Variants in SEC11C observed in about 807,000 individuals in gnomAD.
SEC11C encodes the protein signal peptidase complex catalytic subunit SEC11C.
A neutral mutation model predicts 21.9 loss-of-function variants in SEC11C; 10 were observed. The ratio of observed to expected loss-of-function variants is 0.46; its 90% CI spans 0.28 to 0.77. The LOEUF (loss-of-function observed/expected upper bound fraction) is 0.77, where lower values mean the gene tolerates loss of function less well. SEC11C is among the 30% of genes least tolerant of loss of function. SEC11C has a pLI of 0.12. For synonymous variants in SEC11C, 83 were observed against 85.6 expected (o/e 0.97, Z 0.17); for missense variants, 145 against 244.5 (o/e 0.59, Z 2.71).
intron 4 of SEC11C, chr18:59,157,365 A>G (rs1320503251): frequency 5.2e-6 from 2 of 381,794 alleles, no homozygotes; most frequent in Non-Finnish European, 9.3e-6. Context: ...TAGCAAGTGA[A>G]GACAACCAGC....
At chr18:59,153,125 A>G (rs1032096252) in intron 3 of SEC11C, 2 of 152,856 alleles carry the variant, frequency 1.3e-5, no homozygotes, top group African/African-American at 4.8e-5. Flanking sequence ...TTAGTCCTGG[A>G]TGGATAAAAA....
Position 59,140,011 on chromosome 18 carries a change from C to T in SEC11C, c.63C>T (p.Asp21=), listed in dbSNP as rs1255608758. 3 of 1,589,882 alleles carry T rather than the reference C, an allele frequency of 1.9e-6. No homozygotes were observed. The highest frequency in any genetic ancestry group is 4.6e-5 in the East Asian group (2 of 43,680). Residue 21 remains aspartate, a synonymous_variant, in exon 1 of 6, where the codon GAC becomes GAT. Coordinates refer to ENST00000587834, the MANE Select transcript of SEC11C (RefSeq NM_033280.4). The stretch of plus-strand genomic sequence containing the variant: ...CGTCCGGCTTGGATATCTTCGGGGA[C>T]CTGAAGAAGATGAACAAGCGCCAGG... The part of the protein sequence containing the change: ...LPASGLDIFG[D]LKKMNKRQLY...
chr18:59,150,874 A>G (rs972834646), intron 2 of SEC11C, among the ~76,000 whole-genome samples: 2 of 152,332 alleles, frequency 1.3e-5, no homozygotes, highest in Middle Eastern at 3.4e-3. Flanking sequence ...GGCAGAGCCA[A>G]CATTAGATCT....
intron 1 of SEC11C, among the ~76,000 whole-genome samples, chr18:59,148,913 C>T (rs974091723): frequency 1.3e-5 from 2 of 151,790 alleles, no homozygotes; most frequent in Admixed American, 1.3e-4. Context: ...CTGTGCCCAG[C>T]CCCACCTGTG....
chr18:59,141,790 G>A (rs1265625557), intron 1 of SEC11C, among the ~76,000 whole-genome samples: 2 of 152,076 alleles, frequency 1.3e-5, no homozygotes, highest in Non-Finnish European at 2.9e-5. Flanking sequence ...ATTAAAGCAG[G>A]ACCCACATGC....
At position 59,149,631 on chromosome 18, in the gene SEC11C, C is replaced by T; in HGVS notation, c.197+9C>T. The T allele has an allele frequency of 6.3e-7, 1 of 1,580,800 alleles. No homozygotes were observed. Among genetic ancestry groups the T allele is most frequent in the Non-Finnish European group, 8.7e-7 (1 of 1,151,080 alleles). The stretch of plus-strand genomic sequence containing the variant: ...ATCGTGGTGGTGCTGAGGTAGGTCC[C>T]CCAGGCTGGCCTCCAGCCTCCAACC... On this transcript the variant is annotated intron_variant, in intron 2 of 5. Coordinates refer to ENST00000587834, the MANE Select transcript of SEC11C (RefSeq NM_033280.4).
rs943231374 is a variant in SEC11C, at chr18:59,139,997, G to C, written c.49G>C (p.Asp17His). The stretch of plus-strand genomic sequence containing the variant: ...GGCTCATCTCCCCGCGTCCGGCTTG[G>C]ATATCTTCGGGGACCTGAAGAAGAT... ...VGAHLPASGL[D>H]IFGDLKKMNK... is the part of the protein sequence containing the mutation. The change falls in exon 1 of 6, where the codon GAT becomes CAT. Residue 17 changes from aspartate to histidine, a missense_variant. Coordinates refer to ENST00000587834, the MANE Select transcript of SEC11C (RefSeq NM_033280.4). 6.3e-7 allele frequency: 1 copy of C among 1,595,552 alleles called. No individual in the cohort carries two copies. Among genetic ancestry groups the C allele is most frequent in the Non-Finnish European group, 8.6e-7 (1 of 1,169,252 alleles).
In SEC11C at chr18:59,145,659, A is replaced by G. The variant is rs191668423; in HGVS notation, c.88-3854A>G. ...ATCCTCAGAGTAGTGGGATGCAATC[A>G]AAGGGCTTTAGGCAGGGCATAGACA... On this transcript the variant is annotated intron_variant, in intron 1 of 5. Coordinates refer to ENST00000587834, the MANE Select transcript of SEC11C (RefSeq NM_033280.4). 4.0e-4 allele frequency among the ~76,000 whole-genome samples: 61 copies of G among 152,338 alleles called. No homozygotes were observed. In the East Asian group the frequency reaches 8.1e-3, roughly 20 times the overall value.
intron 3 of SEC11C, among the ~76,000 whole-genome samples, chr18:59,154,346 T>C (rs963081464): frequency 7.2e-5 from 11 of 152,240 alleles, no homozygotes; most frequent in Admixed American, 1.3e-4. Context: ...GCTTGCTCTT[T>C]TTGATATGGT....
chr18:59,152,605 C>A lies in SEC11C; in HGVS notation c.267C>A (p.Ile89=). ...TCACAAATTTCCGGGAAGACCCAAT[C>A]AGAGCTGGTGAAATAGTTGTTTTTA... ...LFLTNFREDP[I]RAGEIVVFKV... Residue 89 remains isoleucine, a synonymous_variant, in exon 3 of 6, where the codon ATC becomes ATA. Coordinates refer to ENST00000587834, the MANE Select transcript of SEC11C (RefSeq NM_033280.4). 5 of 1,613,748 alleles carry A rather than the reference C, an allele frequency of 3.1e-6. No homozygotes were observed. Among genetic ancestry groups the A allele is most frequent in the Non-Finnish European group, 4.2e-6 (5 of 1,179,922 alleles).
chr18:59,158,029 TAC>T (rs1378767755), intron 5 of SEC11C, among the ~76,000 whole-genome samples: 5 of 152,120 alleles, frequency 3.3e-5, no homozygotes, highest in South Asian at 2.1e-4. Context: ...TGTATATATA[TAC>T]ACACACATAT....
intron 2 of SEC11C, 106 bp from the exon 3 acceptor site, chr18:59,152,430 A>C (rs1434921064): frequency 4.0e-6 from 5 of 1,254,594 alleles, no homozygotes; most frequent in Non-Finnish European, 5.4e-6. Flanking sequence ...CTCGTTTTAT[A>C]GCTCCTGAGA....
chr18:59,140,233 A>G (rs184109632), intron 1 of SEC11C, among the ~76,000 whole-genome samples, 198 bp downstream of exon 1: 1 of 152,366 alleles, frequency 6.6e-6, no homozygotes, highest in Admixed American at 6.5e-5. Flanking sequence ...TGACAAGAGC[A>G]CAATTAGGGG....
intron 2 of SEC11C, 110 bp downstream of exon 2, chr18:59,149,732 G>T: frequency 3.6e-6 from 2 of 556,620 alleles, no homozygotes; most frequent in East Asian, 2.7e-5. Flanking sequence ...TAAAATTCAA[G>T]ATTTTAATTG....
At position 59,152,518 on chromosome 18, in the gene SEC11C, C is replaced by T; in HGVS notation, c.198-18C>T. ...GGACACAGGGTAATGCTGATACTGA[C>T]TTTGTGCTTCTTTCCAGTGGCAGTA... is the stretch of plus-strand genomic sequence containing the variant. On this transcript the variant is annotated intron_variant, in intron 2 of 5. Coordinates refer to ENST00000587834, the MANE Select transcript of SEC11C (RefSeq NM_033280.4). The T allele has an allele frequency of 1.9e-6, 3 of 1,589,140 alleles. No individual in the cohort carries two copies. The South Asian group carries it at 3.5e-5, about 18-fold the overall frequency.
chr18:59,148,581 C>G (rs186424191), intron 1 of SEC11C, among the ~76,000 whole-genome samples: 53 of 151,582 alleles, frequency 3.5e-4, no homozygotes, highest in Non-Finnish European at 5.9e-4. Flanking sequence ...GTAACTAGTG[C>G]TTATGCATCA....
chr18:59,158,727 T>C lies in SEC11C; in HGVS notation c.*42T>C, dbSNP rs769121992. The C allele has an allele frequency of 4.6e-6, 7 of 1,520,168 alleles. No homozygotes were observed. In the Admixed American group the frequency reaches 1.2e-4, roughly 25 times the overall value. The allele number at this position is 1,520,168 out of a possible 1,614,324, so 94.2% of individuals were successfully genotyped here. A position where few individuals can be genotyped will look rare whatever the true frequency, so the allele number is the denominator to read the frequency against. ...TGGGACCAGATTGAAATGAATTCTGTTGAAAAAGAGAAAAACTAATATATT... is the reference window on the plus strand; with the variant it reads ...TGGGACCAGATTGAAATGAATTCTGCTGAAAAAGAGAAAAACTAATATATT... On this transcript the variant is annotated 3_prime_UTR_variant, in exon 6 of 6. Coordinates refer to ENST00000587834, the MANE Select transcript of SEC11C (RefSeq NM_033280.4).
intron 1 of SEC11C, among the ~76,000 whole-genome samples, chr18:59,149,077 T>G (rs1255229258): frequency 6.6e-6 from 1 of 152,256 alleles, no homozygotes; most frequent in Non-Finnish European, 1.5e-5. Flanking sequence ...AAGCTTCCAT[T>G]TGAGGCTAAA....
chr18:59,158,275 C>T (rs977572842), intron 5 of SEC11C, among the ~76,000 whole-genome samples: 2 of 152,130 alleles, frequency 1.3e-5, no homozygotes, highest in Admixed American at 6.5e-5. Context: ...AGCCTGGTCT[C>T]GAACTCCTGA....
Sources: allele counts gnomAD v4.1 joint callset (sites outside exome capture counted in the v4.1 genomes callset), GRCh38; gene constraint gnomAD v4.1.1; transcripts MANE v1.5; gene names NCBI Gene and HGNC (gene_info 2026-07-23, HGNC 2026-07-21).